The following SNCG variants were observed in gnomAD, a reference collection of about 807,000 sequenced individuals.
SNCG encodes the protein synuclein gamma.
SNCG carries 13 observed loss-of-function variants against 16.0 expected under a neutral mutation model. The observed-to-expected ratio is 0.81, with a 90% CI of 0.53 to 1.29. The LOEUF is 1.29. Among genes scored for constraint, SNCG ranks in the 50% most tolerant of loss-of-function variants. The probability of loss-of-function intolerance (pLI) is 0.00; values close to 1 mark genes in which losing one functional copy is unlikely to be tolerated. For synonymous variants in SNCG, 66 were observed against 66.3 expected (o/e 1.00, Z 0.02); for missense variants, 154 against 168.5 (o/e 0.91, Z 0.48).
At chr10:86,958,841 G>T in intron 1 of SNCG, 23 bp downstream of exon 1, 1 of 1,585,022 alleles carries the variant, frequency 6.3e-7, no homozygotes, top group Non-Finnish European at 8.6e-7. Flanking sequence ...TGGCAGGGTG[G>T]GACAGTGTGG....
chr10:86,958,528 C>G (rs1844276039), upstream of SNCG: 2 of 1,197,436 alleles, frequency 1.7e-6, no homozygotes, highest in Non-Finnish European at 2.1e-6. Flanking sequence ...GCCCCCACTG[C>G]ACGCAGGGCT....
chr10:86,957,321 CT>C, upstream of SNCG: 2 of 1,581,752 alleles, frequency 1.3e-6, no homozygotes, highest in Non-Finnish European at 8.7e-7. Flanking sequence ...TCTGCTCTAG[CT>C]GAGCTGGGAC....
upstream of SNCG, chr10:86,957,482 T>C (rs140074339): frequency 2.3e-5 from 37 of 1,613,220 alleles, no homozygotes; most frequent in East Asian, 6.5e-4. Context: ...CCTGGGCCCA[T>C]GCCCCCAGCA....
intron 1 of SNCG, 109 bp downstream of exon 1, chr10:86,958,927 C>A: frequency 2.4e-6 from 3 of 1,238,468 alleles, no homozygotes; most frequent in South Asian, 1.5e-5. Flanking sequence ...TGGGAGGGGG[C>A]GAGGCCCTGG....
rs1165915667 is a variant in SNCG, at chr10:86,963,007, T to C, written c.*22T>C. The C allele has an allele frequency of 6.3e-7, 1 of 1,599,518 alleles. No homozygotes were observed. The highest frequency in any genetic ancestry group is 1.3e-5 in the African/African-American group (1 of 74,780). On this transcript the variant is annotated 3_prime_UTR_variant, in exon 5 of 5. Transcript: ENST00000372017. ...CTAGAGGGCTACAGGCCAGCGTGGA[T>C]GACCTGAAGAGCGCTCCTCTGCCTT...
At chr10:86,960,498 G>A (rs1589313043) in intron 3 of SNCG, among the ~76,000 whole-genome samples, 1 of 152,148 alleles carries the variant, frequency 6.6e-6, no homozygotes, top group African/African-American at 2.4e-5. Context: ...CACCAGGCCG[G>A]GGGCTGAGTA....
rs1293613732 is a variant in SNCG, at chr10:86,959,700, A to G, written c.163+26A>G. ...GTGAGAAGCCCCAGGGCCAGGGGAC[A>G]CATGGGGGATAGGACCCCTGGGGCT... is the stretch of plus-strand genomic sequence containing the variant. On this transcript the variant is annotated intron_variant, in intron 2 of 4. Transcript: ENST00000372017. This position sits in a 1 kb window ranked among gnomAD's most constrained non-coding sequence, Gnocchi z 4.3. 6.3e-7 allele frequency: 1 copy of G among 1,589,116 alleles called. No individual in the cohort carries two copies. The highest frequency in any genetic ancestry group is 1.7e-5 in the Admixed American group (1 of 57,686).
intron 3 of SNCG, 72 bp downstream of exon 3, chr10:86,960,200 A>C: frequency 7.1e-7 from 1 of 1,414,788 alleles, no homozygotes; most frequent in South Asian, 1.3e-5. Context: ...AGGCGGCATC[A>C]CTCCACTCCA....
chr10:86,957,082 C>T (rs1844246094), upstream of SNCG, among the ~76,000 whole-genome samples: 1 of 152,230 alleles, frequency 6.6e-6, no homozygotes, highest in Admixed American at 6.5e-5. Flanking sequence ...ATGGCTTCAG[C>T]CACAGTCCCC....
At chr10:86,956,789 A>G (rs1313975255), upstream of SNCG, among the ~76,000 whole-genome samples, 1 of 152,228 alleles carries the variant, frequency 6.6e-6, no homozygotes, top group Non-Finnish European at 1.5e-5. Context: ...TACAGGCCCA[A>G]CACCTCATCA....
At chr10:86,957,930 C>T, upstream of SNCG, 3 of 1,042,916 alleles carry the variant, frequency 2.9e-6, no homozygotes, top group South Asian at 1.1e-4. Flanking sequence ...GCTGCCCATC[C>T]ACACTGCTGG....
At chr10:86,957,283 A>T, upstream of SNCG, 2 of 1,319,498 alleles carry the variant, frequency 1.5e-6, no homozygotes, top group Non-Finnish European at 2.2e-6. Flanking sequence ...CATTTCACAG[A>T]TGGGACCCCA....
chr10:86,958,506 C>G, upstream of SNCG: 1 of 535,652 alleles, frequency 1.9e-6, no homozygotes, highest in Non-Finnish European at 2.9e-6. Context: ...TTCCCTCCCT[C>G]CCTCCCTCCC....
At chr10:86,962,852 C>T (rs1382735534) in intron 4 of SNCG, 113 bp from the exon 5 acceptor site, 2 of 1,301,794 alleles carry the variant, frequency 1.5e-6, no homozygotes, top group Non-Finnish European at 2.1e-6. Context: ...GAGGTCCCCC[C>T]ACGGATGACC....
chr10:86,957,807 G>A (rs1228945886), upstream of SNCG: 1 of 1,261,134 alleles, frequency 7.9e-7, no homozygotes, highest in Non-Finnish European at 1.0e-6. Flanking sequence ...GGTAGACATG[G>A]GGTGGCCCCA....
rs1308260500 is a variant in SNCG, at chr10:86,959,359, A to T, written c.122-274A>T. The T allele has an allele frequency of 5.4e-6, 3 of 558,068 alleles. No homozygotes were observed. The highest frequency in any genetic ancestry group is 9.5e-6 in the Non-Finnish European group (3 of 315,496). 34.6% of individuals were successfully genotyped at this position (558,068 alleles called of 1,614,324 possible). ...CTGTTGCTGCTTCTGAGGCCCGGCC[A>T]CACCCGGGCAGGGGCTGGACCCTGG... On this transcript the variant is annotated intron_variant, in intron 1 of 4. Coordinates refer to ENST00000372017, the MANE Select transcript of SNCG (RefSeq NM_003087.3). This position sits in a 1 kb window ranked among gnomAD's most constrained non-coding sequence, Gnocchi z 4.3.
At chr10:86,962,469 C>G in intron 3 of SNCG, 135 bp from the exon 4 acceptor site, 1 of 607,482 alleles carries the variant, frequency 1.6e-6, no homozygotes, top group East Asian at 2.8e-5. Context: ...ATACCTCCAG[C>G]CCCTCCAAGT....
At chr10:86,958,497 T>TGCC, upstream of SNCG, 3 of 1,098,144 alleles carry the variant, frequency 2.7e-6, no homozygotes, top group Non-Finnish European at 3.5e-6. Flanking sequence ...TGAACCTCCT[T>TGCC]CCCTCCCTCC....
rs780654332 is a variant in SNCG at position 86,959,718 on chromosome 10, C to T, written c.163+44C>T. On this transcript the variant is annotated intron_variant, in intron 2 of 4. Transcript: ENST00000372017. The surrounding 1 kb of genome is among the most constrained non-coding windows in gnomAD (Gnocchi z 4.3). ...AGGGGACACATGGGGGATAGGACCC[C>T]TGGGGCTCCTGCATCCTAGTGCTGG... 1 of 1,537,150 alleles carries T rather than the reference C, an allele frequency of 6.5e-7. No homozygotes were observed. Among genetic ancestry groups the T allele is most frequent in the South Asian group, 1.2e-5 (1 of 81,010 alleles).
Sources: allele counts gnomAD v4.1 joint callset (sites outside exome capture counted in the v4.1 genomes callset), GRCh38; gene constraint gnomAD v4.1.1; non-coding constraint Gnocchi (gnomAD v3.1); transcripts MANE v1.5; gene names NCBI Gene and HGNC (gene_info 2026-07-23, HGNC 2026-07-21).